The following BCAS3 variants were observed in gnomAD, a reference collection of about 807,000 sequenced individuals.
The protein encoded by BCAS3 is BCAS3 microtubule associated cell migration factor.
BCAS3 carries 53 observed loss-of-function variants against 116.1 expected under a neutral mutation model. That is an observed-to-expected ratio of 0.46 (90% CI 0.37 to 0.57). The LOEUF (loss-of-function observed/expected upper bound fraction) is 0.57. Among genes scored for constraint, BCAS3 ranks in the 20% least tolerant of loss-of-function variants. BCAS3 has a pLI of 0.00. For missense variants in BCAS3, 917 were observed against 1,165.4 expected (o/e 0.79, Z 3.10); for synonymous variants, 391 against 408.2 (o/e 0.96, Z 0.51).
intron 23 of BCAS3, among the ~76,000 whole-genome samples, chr17:61,370,666 C>CCTGTAAT (rs2059000504): frequency 6.6e-6 from 1 of 152,208 alleles, no homozygotes; most frequent in Non-Finnish European, 1.5e-5. Context: ...GGATTACAGG[C>CCTGTAAT]GTGAGCCACC....
Position 60,938,711 on chromosome 17 carries a change from AAGATAGATAGAT to A in BCAS3, c.1088-8470_1088-8459del, listed in dbSNP as rs77328962. On this transcript the variant is annotated intron_variant, in intron 13 of 23. Coordinates refer to ENST00000407086, the MANE Select transcript of BCAS3 (RefSeq NM_017679.5). ...CAGACTGGGAGAAAATTTCTGATAGAAGATAGATAGATAGATAGATAGATAGATAGATAGATA... is the reference window on the plus strand; with the variant it reads ...CAGACTGGGAGAAAATTTCTGATAGAAGATAGATAGATAGATAGATAGATA... 2.7e-3 allele frequency among the ~76,000 whole-genome samples: 390 copies of A among 146,684 alleles called. 2 individuals are homozygous for A. Among genetic ancestry groups the A allele is most frequent in the Middle Eastern group, 0.01 (3 of 292 alleles).
At chr17:61,271,442 T>TTTTTTTTTTTTGTTTGAA (rs2050253990) in intron 22 of BCAS3, among the ~76,000 whole-genome samples, 1 of 128,976 alleles carries the variant, frequency 7.8e-6, no homozygotes, top group African/African-American at 3.1e-5. Context: ...TTTTTTGTCT[T>TTTTTTTTTTTTGTTTGAA]AGGTGGAGTC....
chr17:60,999,582 G>A (rs918017103), intron 15 of BCAS3, among the ~76,000 whole-genome samples: 1 of 151,130 alleles, frequency 6.6e-6, no homozygotes, highest in African/African-American at 2.4e-5. Context: ...AAAAAGAAAT[G>A]TGATGTCTTA....
At chr17:60,760,246 C>G (rs1321379126) in intron 6 of BCAS3, among the ~76,000 whole-genome samples, 2 of 152,020 alleles carry the variant, frequency 1.3e-5, no homozygotes, top group Non-Finnish European at 2.9e-5. Context: ...TTTGCATATT[C>G]TTTGTTCCTT....
intron 7 of BCAS3, among the ~76,000 whole-genome samples, chr17:60,862,371 T>G (rs911978707): frequency 6.6e-6 from 1 of 152,166 alleles, no homozygotes; most frequent in Non-Finnish European, 1.5e-5. Flanking sequence ...TATAATAATT[T>G]CAGTAGGATT....
intron 4 of BCAS3, among the ~76,000 whole-genome samples, chr17:60,693,415 G>C (rs61081419): frequency 6.6e-6 from 1 of 151,234 alleles, no homozygotes; most frequent in East Asian, 1.9e-4. Context: ...GCCAGTTTTT[G>C]TATTTTTTTT....
chr17:61,235,068 G>A lies in BCAS3; in HGVS notation c.2426-133259G>A, dbSNP rs899077860. Among the ~76,000 whole-genome samples, 3 of 152,054 alleles carry A rather than the reference G, an allele frequency of 2.0e-5. No individual in the cohort carries two copies. The highest frequency in any genetic ancestry group is 4.4e-5 in the Non-Finnish European group (3 of 68,002). On this transcript the variant is annotated intron_variant, in intron 22 of 23. Transcript: ENST00000407086. This position sits in a 1 kb window ranked among gnomAD's most constrained non-coding sequence, Gnocchi z 5.0. Reference sequence around the variant, plus strand: ...ACTCCTGGCTAAGTTTTGTATTTTAGTAGAGACAGGGTTTCACCACATTGG... The same window carrying A: ...ACTCCTGGCTAAGTTTTGTATTTTAATAGAGACAGGGTTTCACCACATTGG...
rs112830465 is a variant in BCAS3 at position 61,087,706 on chromosome 17, A to C, written c.2425+3142A>C. ...TGCCTAAAATACATATTTTTAAATT[A>C]TTAACTTCAGTGATTTAAGCACCGG... On this transcript the variant is annotated intron_variant, in intron 22 of 23. Coordinates refer to ENST00000407086, the MANE Select transcript of BCAS3 (RefSeq NM_017679.5). This position sits in a 1 kb window ranked among gnomAD's most constrained non-coding sequence, Gnocchi z 4.6. Among the ~76,000 whole-genome samples, 3 of 152,234 alleles carry C rather than the reference A, an allele frequency of 2.0e-5. No homozygotes were observed. The highest frequency in any genetic ancestry group is 4.4e-5 in the Non-Finnish European group (3 of 68,044).
At chr17:61,133,218 G>A (rs2076434395) in intron 22 of BCAS3, among the ~76,000 whole-genome samples, 1 of 152,146 alleles carries the variant, frequency 6.6e-6, no homozygotes, top group Non-Finnish European at 1.5e-5. Flanking sequence ...CCTTTCTGAT[G>A]AACGTCTGAG....
intron 16 of BCAS3, among the ~76,000 whole-genome samples, chr17:61,030,651 G>A (rs1330609553): frequency 1.3e-5 from 2 of 151,944 alleles, no homozygotes; most frequent in Non-Finnish European, 2.9e-5. Context: ...TTTTAATTTA[G>A]CATCTTATTT....
At chr17:61,369,113 A>G (rs1416475387) in intron 23 of BCAS3, among the ~76,000 whole-genome samples, 1 of 152,314 alleles carries the variant, frequency 6.6e-6, no homozygotes, top group South Asian at 2.1e-4. Flanking sequence ...CACACACAAC[A>G]TGCACTCAGG....
chr17:61,187,081 C>A (rs1308723835), intron 22 of BCAS3, among the ~76,000 whole-genome samples: 2 of 152,034 alleles, frequency 1.3e-5, no homozygotes, highest in African/African-American at 2.4e-5. Flanking sequence ...ATGAAGTAAC[C>A]CTTATTTATT....
At chr17:60,916,286 A>G (rs547402589) in intron 12 of BCAS3, among the ~76,000 whole-genome samples, 47 of 152,332 alleles carry the variant, frequency 3.1e-4, no homozygotes, top group African/African-American at 1.1e-3. Flanking sequence ...CAGATTTCCC[A>G]ACTGAATCCA....
At chr17:61,372,842 T>C (rs866395056) in intron 23 of BCAS3, among the ~76,000 whole-genome samples, 1 of 151,942 alleles carries the variant, frequency 6.6e-6, no homozygotes, top group African/African-American at 2.4e-5. Context: ...TCTAGAAAAA[T>C]AGAATTTTTA....
chr17:61,155,434 A>G (rs1025146555), intron 22 of BCAS3, among the ~76,000 whole-genome samples: 6 of 152,028 alleles, frequency 3.9e-5, no homozygotes, highest in African/African-American at 9.7e-5. Flanking sequence ...AGAAAAGGAT[A>G]ATTCACACTT....
intron 4 of BCAS3, among the ~76,000 whole-genome samples, chr17:60,693,064 CAG>C (rs2035079151): frequency 6.6e-6 from 1 of 151,700 alleles, no homozygotes; most frequent in Non-Finnish European, 1.5e-5. Flanking sequence ...TTAGGAGAAA[CAG>C]GGTTTCACCA....
intron 7 of BCAS3, among the ~76,000 whole-genome samples, chr17:60,845,189 A>G (rs2144778155): frequency 6.6e-6 from 1 of 152,346 alleles, no homozygotes; most frequent in South Asian, 2.1e-4. Context: ...AGATTGCGCC[A>G]TTGCACTCCA....
intron 5 of BCAS3, among the ~76,000 whole-genome samples, chr17:60,728,955 A>G (rs2040189230): frequency 6.6e-6 from 1 of 152,216 alleles, no homozygotes; most frequent in African/African-American, 2.4e-5. Context: ...GAGAAAATGT[A>G]GAACATTTTT....
In BCAS3 at chr17:60,679,565, A is replaced by G. The variant is rs577397534; in HGVS notation, c.83+25A>G. The G allele has an allele frequency of 1.1e-4, 172 of 1,546,058 alleles. 3 individuals are homozygous for G. In the South Asian group the frequency reaches 1.8e-3, roughly 17 times the overall value. On this transcript the variant is annotated intron_variant, in intron 2 of 23. Coordinates refer to ENST00000407086, the MANE Select transcript of BCAS3 (RefSeq NM_017679.5). ...CGTAAGCACATTTCAGATAAACCCA[A>G]TAGCTGAAGAAAAGATTACTCAGAA...
Sources: allele counts gnomAD v4.1 joint callset (sites outside exome capture counted in the v4.1 genomes callset), GRCh38; gene constraint gnomAD v4.1.1; non-coding constraint Gnocchi (gnomAD v3.1); transcripts MANE v1.5; gene names NCBI Gene and HGNC (gene_info 2026-07-23, HGNC 2026-07-21).